DHX32: variants seen among roughly 807,000 people sequenced by gnomAD.
The protein encoded by DHX32 is putative pre-mRNA-splicing factor ATP-dependent RNA helicase DHX32.
Under a neutral mutation model 70.0 loss-of-function variants are expected in DHX32, and 51 were observed. That is an observed-to-expected ratio of 0.73 (90% CI 0.58 to 0.92). The LOEUF (loss-of-function observed/expected upper bound fraction) is 0.92, where lower values mean the gene tolerates loss of function less well. Among genes scored for constraint, DHX32 ranks in the 40% least tolerant of loss-of-function variants. The pLI is 0.00. For missense variants in DHX32, 762 were observed against 891.8 expected (o/e 0.85, Z 1.85); for synonymous variants, 310 against 315.3 (o/e 0.98, Z 0.18).
intron 6 of DHX32, among the ~76,000 whole-genome samples, chr10:125,849,185 CTGTTT>C (rs750760095): frequency 6.6e-6 from 1 of 152,174 alleles, no homozygotes; most frequent in Admixed American, 6.5e-5. Flanking sequence ...AGTTAAATTG[CTGTTT>C]TGTTTTGTTT....
chr10:125,838,183 C>A, intron 10 of DHX32, 23 bp downstream of exon 10: 1 of 1,544,600 alleles, frequency 6.5e-7, no homozygotes, highest in Non-Finnish European at 8.7e-7. Context: ...AAAATACAAC[C>A]CTTTCTTCTC....
At chr10:125,864,902 C>A (rs1217738670) in intron 2 of DHX32, among the ~76,000 whole-genome samples, 3 of 118,292 alleles carry the variant, frequency 2.5e-5, no homozygotes, top group Non-Finnish European at 4.8e-5. Context: ...TTCACTCCAG[C>A]CTGGGAGACA....
chr10:125,895,453 T>A (rs1287766030), intron 1 of DHX32, among the ~76,000 whole-genome samples: 1 of 152,236 alleles, frequency 6.6e-6, no homozygotes, highest in Non-Finnish European at 1.5e-5. Flanking sequence ...TTCTTGCTTA[T>A]CCTTTTTCTC....
In DHX32 at chr10:125,859,647, A is replaced by T; in HGVS notation, c.805T>A (p.Ser269Thr). The T allele has an allele frequency of 6.2e-7, 1 of 1,608,518 alleles. No homozygotes were observed. Among genetic ancestry groups the T allele is most frequent in the Non-Finnish European group, 8.5e-7 (1 of 1,177,908 alleles). The change falls in exon 3 of 11, where the codon TCG becomes ACG. Residue 269 changes from serine (S) to threonine (T), a missense_variant. Ser to Thr is a moderately conservative substitution (Grantham distance 58, BLOSUM62 1). Coordinates refer to ENST00000284690, the MANE Select transcript of DHX32 (RefSeq NM_018180.3). The part of the protein sequence containing the change: ...ILRLIFEIHH[S>T]GEKGDIVVFL... The stretch of plus-strand genomic sequence containing the variant: ...ACTACAATGTCACCTTTCTCACCCG[A>T]GTGGTGAATTTCAAAGATAAGGCGT...
At chr10:125,860,325 C>G (rs548004007) in intron 2 of DHX32, among the ~76,000 whole-genome samples, 1 of 152,292 alleles carries the variant, frequency 6.6e-6, no homozygotes, top group African/African-American at 2.4e-5. Context: ...TATCATAAAA[C>G]ACCCTGGTCA....
At chr10:125,887,649 A>T (rs113389570) in intron 1 of DHX32, among the ~76,000 whole-genome samples, 53 of 150,618 alleles carry the variant, frequency 3.5e-4, no homozygotes, top group Non-Finnish European at 5.9e-4. Flanking sequence ...GTTTTTTTTT[A>T]AATTTTAGAA....
intron 6 of DHX32, among the ~76,000 whole-genome samples, chr10:125,850,222 C>G (rs892335383): frequency 1.3e-5 from 2 of 151,940 alleles, no homozygotes; most frequent in African/African-American, 4.8e-5. Context: ...AAGCAGTTCT[C>G]CCACCTCAGC....
chr10:125,841,466 A>C, intron 7 of DHX32: 1 of 1,494,556 alleles, frequency 6.7e-7, no homozygotes, highest in Non-Finnish European at 8.9e-7. Flanking sequence ...CTTCATCTGC[A>C]CTGATTATTT....
chr10:125,862,163 C>T (rs1479483814), intron 2 of DHX32, among the ~76,000 whole-genome samples: 7 of 152,204 alleles, frequency 4.6e-5, no homozygotes, highest in Admixed American at 4.6e-4. Flanking sequence ...GATAGTTGTT[C>T]TATCTGTTGT....
chr10:125,836,495 C>A lies in DHX32; in HGVS notation c.*192G>T, dbSNP rs1589699656. ...AAAACTTTTCCAAGAAGAAGAAAAG[C>A]ATGGAGTAGTAATTTAAAGAACTCA... On this transcript the variant is annotated 3_prime_UTR_variant, in exon 11 of 11. Coordinates refer to ENST00000284690, the MANE Select transcript of DHX32 (RefSeq NM_018180.3). The A allele has an allele frequency of 1.5e-6, 2 of 1,375,624 alleles. No individual in the cohort carries two copies. Among genetic ancestry groups the A allele is most frequent in the African/African-American group, 2.9e-5 (2 of 68,470 alleles). The allele number at this position is 1,375,624 out of a possible 1,614,324, so 85.2% of individuals were successfully genotyped here. A position where few individuals can be genotyped will look rare whatever the true frequency, so the allele number is the denominator to read the frequency against.
At chr10:125,859,041 G>GTTTT (rs1168999968) in intron 3 of DHX32, among the ~76,000 whole-genome samples, 1 of 134,254 alleles carries the variant, frequency 7.4e-6, no homozygotes, top group East Asian at 2.2e-4. Context: ...TTGTTTGTTT[G>GTTTT]TTTGTTTTTT....
At chr10:125,859,515 T>A in intron 3 of DHX32, 88 bp downstream of exon 3, 1 of 1,404,438 alleles carries the variant, frequency 7.1e-7, no homozygotes, top group African/African-American at 1.4e-5. Flanking sequence ...AAACAGTTAA[T>A]TAGCAAACTG....
At chr10:125,850,925 A>G (rs1944082469) in intron 6 of DHX32, among the ~76,000 whole-genome samples, 1 of 152,204 alleles carries the variant, frequency 6.6e-6, no homozygotes, top group South Asian at 2.1e-4. Flanking sequence ...GTCTCAGGCC[A>G]TCTGTTTCCA....
At chr10:125,876,131 C>T (rs1405491222) in intron 1 of DHX32, among the ~76,000 whole-genome samples, 1 of 152,248 alleles carries the variant, frequency 6.6e-6, no homozygotes, top group East Asian at 1.9e-4. Flanking sequence ...CAGAAGTGGA[C>T]TCAGCACATG....
intron 1 of DHX32, among the ~76,000 whole-genome samples, chr10:125,889,664 C>T (rs1273322505): frequency 1.3e-5 from 2 of 152,234 alleles, no homozygotes; most frequent in East Asian, 3.8e-4. Flanking sequence ...AGTAAGTCTG[C>T]ACTGGCCCTG....
intron 1 of DHX32, among the ~76,000 whole-genome samples, chr10:125,892,972 A>G (rs1589721497): frequency 6.6e-6 from 1 of 152,186 alleles, no homozygotes; most frequent in African/African-American, 2.4e-5. Flanking sequence ...CAGGTACACA[A>G]TGAAGACCAC....
At chr10:125,848,011 G>T (rs1342594068) in intron 6 of DHX32, among the ~76,000 whole-genome samples, 1 of 152,230 alleles carries the variant, frequency 6.6e-6, no homozygotes, top group African/African-American at 2.4e-5. Context: ...AGGGGTTGGG[G>T]ACCCCTGCAT....
chr10:125,855,058 C>T (rs1328041261), intron 3 of DHX32, among the ~76,000 whole-genome samples: 1 of 151,800 alleles, frequency 6.6e-6, no homozygotes. Context: ...ACCCTGTCTA[C>T]TAAAAATACA....
At chr10:125,859,996 AGTTAGAATATT>A in intron 2 of DHX32, 21 bp from the exon 3 acceptor site, 1 of 1,512,572 alleles carries the variant, frequency 6.6e-7, no homozygotes, top group Non-Finnish European at 8.8e-7. Flanking sequence ...GAAACATTAA[AGTTAGAATATT>A]CTTATGCTAA....
Sources: allele counts gnomAD v4.1 joint callset (sites outside exome capture counted in the v4.1 genomes callset), GRCh38; gene constraint gnomAD v4.1.1; transcripts MANE v1.5; gene names NCBI Gene and HGNC (gene_info 2026-07-23, HGNC 2026-07-21).